The following ATP10A variants were observed in gnomAD, a reference collection of about 807,000 sequenced individuals.
The protein encoded by ATP10A is phospholipid-transporting ATPase VA.
ATP10A carries 111 observed loss-of-function variants against 147.8 expected under a neutral mutation model. That is an observed-to-expected ratio of 0.75 (90% confidence interval 0.64 to 0.88). The LOEUF (loss-of-function observed/expected upper bound fraction) is 0.88, where lower values mean the gene tolerates loss of function less well. Among genes scored for constraint, ATP10A ranks in the 40% least tolerant of loss-of-function variants. ATP10A has a pLI of 0.00. For synonymous variants in ATP10A, 875 were observed against 841.6 expected (o/e 1.04, Z -0.69); for missense variants, 1,927 against 1,959.0 (o/e 0.98, Z 0.31).
chr15:25,718,701 G>A (rs903691035), intron 7 of ATP10A, among the ~76,000 whole-genome samples: 4 of 152,192 alleles, frequency 2.6e-5, no homozygotes, highest in Non-Finnish European at 4.4e-5. Context: ...GGTCTCTTCA[G>A]GTAGAGCCTA....
intron 3 of ATP10A, among the ~76,000 whole-genome samples, chr15:25,730,624 A>T (rs1034376276): frequency 6.6e-6 from 1 of 152,170 alleles, no homozygotes; most frequent in Non-Finnish European, 1.5e-5. Flanking sequence ...TTCCTCATCT[A>T]TATGAATCAG....
At chr15:25,742,197 G>A (rs758124072) in intron 2 of ATP10A, among the ~76,000 whole-genome samples, 42 of 152,182 alleles carry the variant, frequency 2.8e-4, no homozygotes, top group Non-Finnish European at 5.0e-4. Flanking sequence ...TCGTCTCCAC[G>A]GTGACAAGCT....
In ATP10A at chr15:25,718,308, G is replaced by T; in HGVS notation, c.1455C>A (p.Gly485=). The T allele has an allele frequency of 1.2e-6, 2 of 1,611,342 alleles. No homozygotes were observed. Among genetic ancestry groups the T allele is most frequent in the Non-Finnish European group, 1.7e-6 (2 of 1,179,782 alleles). ...GGSVSQRGSI[G]SHQSVRVVHR... ...GCACCACCCGGACACTCTGGTGGCT[G>T]CCGATGCTGCCGCGCTGGGACACCG... The change falls in exon 8 of 21, where the codon GGC becomes GGA. Residue 485 remains glycine (G), a synonymous_variant. Coordinates refer to ENST00000555815, the MANE Select transcript of ATP10A (RefSeq NM_024490.4).
Position 25,863,069 on chromosome 15 carries a change from C to T in ATP10A, c.28G>A (p.Glu10Lys). Residue 10 changes from glutamate (E) to lysine (K), a missense_variant, in exon 1 of 21, where the codon GAG becomes AAG. Coordinates refer to ENST00000555815, the MANE Select transcript of ATP10A (RefSeq NM_024490.4). ...CTCCGCCGTCCCGGAGGCCCGGGCT[C>T]CTCGGTCCCCGCCGGCTCCCGCTCC... MEREPAGTEEPGPPGRRRRR... is the reference protein window; with the variant it reads MEREPAGTEKPGPPGRRRRR... 8.1e-7 allele frequency: 1 copy of T among 1,232,172 alleles called. No homozygotes were observed. The highest frequency in any genetic ancestry group is 1.0e-6 in the Non-Finnish European group (1 of 990,180). 76.3% of individuals were successfully genotyped at this position (1,232,172 alleles called of 1,614,324 possible).
Position 25,718,375 on chromosome 15 carries a change from T to C in ATP10A, c.1388A>G (p.Glu463Gly). 6.2e-7 allele frequency: 1 copy of C among 1,606,120 alleles called. No individual in the cohort carries two copies. The change falls in exon 8 of 21, where the codon GAG (glutamate) becomes GGG (glycine). Residue 463 changes from glutamate to glycine, a missense_variant. By Grantham distance (98) the Glu-to-Gly change is moderately conservative. Coordinates refer to ENST00000555815, the MANE Select transcript of ATP10A (RefSeq NM_024490.4). ...CACCTCCTCCTCCTCCGAGTCTGCC[T>C]CTTGGTACCTGGCCAGACGCTGCGC... ...ANAQRLARYQEADSEEEEVVP... is the reference protein window; with the variant it reads ...ANAQRLARYQGADSEEEEVVP...
intron 2 of ATP10A, among the ~76,000 whole-genome samples, chr15:25,774,438 G>T (rs1435949355): frequency 6.6e-6 from 1 of 152,172 alleles, no homozygotes; most frequent in Admixed American, 6.5e-5. Context: ...GCCGGGAGTG[G>T]TGGCACATGC....
chr15:25,681,002 G>A lies in ATP10A; in HGVS notation c.3565C>T (p.Pro1189Ser), dbSNP rs1192027624. The change falls in exon 18 of 21, where the codon CCT (proline) becomes TCT (serine). Residue 1189 changes from proline to serine, a missense_variant. Coordinates refer to ENST00000555815, the MANE Select transcript of ATP10A (RefSeq NM_024490.4). The stretch of plus-strand genomic sequence containing the variant: ...CCCAGGGGCCAACTTACCAGGTAAG[G>A]AATGGAAAAGCAAACCAGGCTCTGG... ...AFQSLVCFSI[P>S]YLAYYDSNVD... 3 of 1,614,024 alleles carry A rather than the reference G, an allele frequency of 1.9e-6. No individual in the cohort carries two copies. Among genetic ancestry groups the A allele is most frequent in the African/African-American group, 1.3e-5 (1 of 74,922 alleles).
chr15:25,739,461 G>T (rs1475076176), intron 2 of ATP10A, among the ~76,000 whole-genome samples: 1 of 152,120 alleles, frequency 6.6e-6, no homozygotes, highest in Non-Finnish European at 1.5e-5. Context: ...GAGACTTTTG[G>T]CAAGTGAAGA....
intron 1 of ATP10A, among the ~76,000 whole-genome samples, chr15:25,859,938 G>A (rs1348389761): frequency 1.3e-5 from 2 of 152,104 alleles, no homozygotes; most frequent in Admixed American, 6.5e-5. Context: ...TGTGTTGCAC[G>A]CTTGGACCGA....
rs533064628 is a variant in ATP10A, at chr15:25,735,778, A to C, written c.740+278T>G. ...CTACACATCTCTTGTCACACCCATC[A>C]CCTACCCGGGGCCTGCTAGCGGGAG... On this transcript the variant is annotated intron_variant, in intron 3 of 20. Coordinates refer to ENST00000555815, the MANE Select transcript of ATP10A (RefSeq NM_024490.4). 8.5e-5 allele frequency among the ~76,000 whole-genome samples: 13 copies of C among 152,104 alleles called. No individual in the cohort carries two copies. The South Asian group carries it at 2.7e-3, about 32-fold the overall frequency.
At position 25,679,561 on chromosome 15, in the gene ATP10A, G is replaced by A; in HGVS notation, c.4280C>T (p.Ser1427Phe). 6.2e-7 allele frequency: 1 copy of A among 1,611,864 alleles called. No individual in the cohort carries two copies. Among genetic ancestry groups the A allele is most frequent in the Non-Finnish European group, 8.5e-7 (1 of 1,178,314 alleles). ...GAAGGTAGGCAGGCTGAAGAGGGAA[G>A]ACAGGGGGGTCACCCTGCCGGTGCT... ...AASTGRVTPLSSLFSLPTFSL... is the reference protein window; with the variant it reads ...AASTGRVTPLFSLFSLPTFSL... Residue 1427 changes from serine (S) to phenylalanine (F), a missense_variant, in exon 21 of 21, where the codon TCT becomes TTT. Ser to Phe is a radical substitution (Grantham distance 155, BLOSUM62 -2). Transcript: ENST00000555815.
intron 2 of ATP10A, among the ~76,000 whole-genome samples, chr15:25,766,529 G>A (rs1889030861): frequency 1.3e-5 from 2 of 151,776 alleles, no homozygotes; most frequent in African/African-American, 2.4e-5. Flanking sequence ...CACCCCTCCT[G>A]AAATAGGGCT....
chr15:25,685,517 GGCTTT>G (rs1192613423), intron 16 of ATP10A, among the ~76,000 whole-genome samples: 1 of 152,154 alleles, frequency 6.6e-6, no homozygotes, highest in Non-Finnish European at 1.5e-5. Context: ...TCAACTCACA[GGCTTT>G]GCTTTGTTTT....
chr15:25,721,538 T>C (rs1902225739), intron 7 of ATP10A, 119 bp downstream of exon 7: 1 of 1,285,260 alleles, frequency 7.8e-7, no homozygotes, highest in Admixed American at 2.2e-5. Context: ...CAGTAATCCC[T>C]GAAGCGTGTG....
chr15:25,705,454 C>CAAAAAAAAAAAAAAAAAAAAAAA (rs367718474), intron 12 of ATP10A, among the ~76,000 whole-genome samples: 1 of 82,002 alleles, frequency 1.2e-5, no homozygotes, highest in African/African-American at 3.9e-5. Context: ...AAAAAAAAAA[C>CAAAAAAAAAAAAAAAAAAAAAAA]AAAAAAAAAA....
chr15:25,831,174 C>T lies in ATP10A; in HGVS notation c.449+31474G>A, dbSNP rs138268197. 3.2e-3 allele frequency among the ~76,000 whole-genome samples: 495 copies of T among 152,320 alleles called. 4 individuals carry two copies. The highest frequency in any genetic ancestry group is 0.011 in the African/African-American group (473 of 41,574). On this transcript the variant is annotated intron_variant, in intron 1 of 20. Transcript: ENST00000555815. ...TCCACAGTGTCTGGATGTCTAGGAC[C>T]GCTGCCCATACCCTCTCCCACCTCA...
chr15:25,776,820 G>A (rs1336397445), intron 2 of ATP10A, among the ~76,000 whole-genome samples: 4 of 152,128 alleles, frequency 2.6e-5, no homozygotes, highest in Non-Finnish European at 5.9e-5. Context: ...ACCCTATTCC[G>A]CCTCTGGGGC....
In ATP10A at chr15:25,721,584, G is replaced by C. The variant is rs188497582; in HGVS notation, c.1363+73C>G. On this transcript the variant is annotated intron_variant, in intron 7 of 20. Transcript: ENST00000555815. ...TGTGTGTGTGTGTGTGTGTGTGTGT[G>C]TCTCCAAACAATTCTGGATAGGGCA... The C allele has an allele frequency of 3.4e-3, 3,935 of 1,148,142 alleles. 82 individuals are homozygous for C. The African/African-American group carries it at 0.051, about 15-fold the overall frequency. 71.1% of individuals were successfully genotyped at this position (1,148,142 alleles called of 1,614,324 possible).
At chr15:25,755,918 T>A (rs1888383017) in intron 2 of ATP10A, among the ~76,000 whole-genome samples, 1 of 152,220 alleles carries the variant, frequency 6.6e-6, no homozygotes. Flanking sequence ...TGTAAGCGTG[T>A]CTCCTTCTCT....
Sources: allele counts gnomAD v4.1 joint callset (sites outside exome capture counted in the v4.1 genomes callset), GRCh38; gene constraint gnomAD v4.1.1; transcripts MANE v1.5; gene names NCBI Gene and HGNC (gene_info 2026-07-23, HGNC 2026-07-21).